Variants in PCSK5 observed in about 807,000 individuals in gnomAD.
PCSK5 encodes the protein prohormone convertase 5.
A neutral mutation model predicts 233.2 loss-of-function variants in PCSK5; 129 were observed. The ratio of observed to expected loss-of-function variants is 0.55; its 90% CI spans 0.48 to 0.64. The LOEUF (loss-of-function observed/expected upper bound fraction) is 0.64. PCSK5 is among the 30% of genes least tolerant of loss of function. The pLI is 0.00. For synonymous variants in PCSK5, 825 were observed against 879.2 expected (o/e 0.94, Z 1.09); for missense variants, 2,076 against 2,430.1 (o/e 0.85, Z 3.06).
rs190167312 is a variant in PCSK5 at position 76,034,801 on chromosome 9, A to T, written c.632+7764A>T. 3.7e-3 allele frequency among the ~76,000 whole-genome samples: 565 copies of T among 152,330 alleles called. 1 individual carries two copies. Among genetic ancestry groups the T allele is most frequent in the Non-Finnish European group, 4.6e-3 (313 of 68,032 alleles). ...AAGAACATATACTAAGTTGATTTTCAGTTTAGTTCGGGATATAAAATATCC... is the reference window on the plus strand; with the variant it reads ...AAGAACATATACTAAGTTGATTTTCTGTTTAGTTCGGGATATAAAATATCC... On this transcript the variant is annotated intron_variant, in intron 5 of 37. Coordinates refer to ENST00000674117, the MANE Select transcript of PCSK5 (RefSeq NM_001372043.1).
intron 13 of PCSK5, among the ~76,000 whole-genome samples, chr9:76,170,930 T>C (rs1268167072): frequency 2.0e-5 from 3 of 152,192 alleles, no homozygotes; most frequent in African/African-American, 7.2e-5. Context: ...TCCCTAGTTC[T>C]GTAATGAGGT....
chr9:76,075,720 T>G (rs934404912), intron 7 of PCSK5, among the ~76,000 whole-genome samples: 2 of 152,200 alleles, frequency 1.3e-5, no homozygotes, highest in African/African-American at 4.8e-5. Flanking sequence ...AATAAATGAC[T>G]GATAAAATAA....
At chr9:76,295,194 A>G (rs1828399058) in intron 25 of PCSK5, 81 bp from the exon 26 acceptor site, 1 of 1,241,222 alleles carries the variant, frequency 8.1e-7, no homozygotes, top group South Asian at 1.5e-5. Context: ...CTCTGCATAG[A>G]CATACATAAG....
At chr9:76,115,375 T>G (rs1286698926) in intron 9 of PCSK5, among the ~76,000 whole-genome samples, 1 of 152,130 alleles carries the variant, frequency 6.6e-6, no homozygotes, top group Non-Finnish European at 1.5e-5. Context: ...AAACAGAGAA[T>G]ATTATTTACA....
At chr9:76,245,368 A>G (rs1826558014) in intron 24 of PCSK5, among the ~76,000 whole-genome samples, 2 of 152,186 alleles carry the variant, frequency 1.3e-5, no homozygotes, top group Non-Finnish European at 2.9e-5. Flanking sequence ...GAGAAAGGCT[A>G]TATAAATTCA....
At chr9:76,039,575 T>C (rs142191477) in intron 5 of PCSK5, among the ~76,000 whole-genome samples, 133 of 152,340 alleles carry the variant, frequency 8.7e-4, no homozygotes, top group Middle Eastern at 3.4e-3. Context: ...AATTCTGTTA[T>C]ATGCTAAGAG....
intron 27 of PCSK5, among the ~76,000 whole-genome samples, chr9:76,297,768 G>A (rs1254245301): frequency 1.3e-5 from 2 of 152,232 alleles, no homozygotes; most frequent in Non-Finnish European, 1.5e-5. Context: ...GGCAGCCGAA[G>A]AGAGTGCTGT....
intron 3 of PCSK5, among the ~76,000 whole-genome samples, chr9:76,007,322 T>G (rs776367686): frequency 6.6e-6 from 1 of 152,214 alleles, no homozygotes; most frequent in African/African-American, 2.4e-5. Context: ...TAGTAGAATT[T>G]TAATCAACTG....
At chr9:76,225,835 G>C (rs1228441688) in intron 20 of PCSK5, among the ~76,000 whole-genome samples, 1 of 152,190 alleles carries the variant, frequency 6.6e-6, no homozygotes, top group Non-Finnish European at 1.5e-5. Context: ...TCCCTCTACA[G>C]AGGCAGGCGC....
intron 20 of PCSK5, among the ~76,000 whole-genome samples, chr9:76,218,300 G>A (rs891534342): frequency 3.9e-5 from 6 of 152,170 alleles, no homozygotes; most frequent in Non-Finnish European, 7.3e-5. Context: ...AAAAAAGAAC[G>A]TGTGTAGGTT....
intron 30 of PCSK5, among the ~76,000 whole-genome samples, chr9:76,315,940 T>TG (rs199891693): frequency 7.2e-4 from 104 of 145,398 alleles, no homozygotes; most frequent in African/African-American, 2.6e-3. Flanking sequence ...TTTTTTTTTT[T>TG]TTTTTTTTTT....
At chr9:76,327,647 G>A (rs943297386) in intron 32 of PCSK5, among the ~76,000 whole-genome samples, 11 of 152,150 alleles carry the variant, frequency 7.2e-5, no homozygotes, top group Non-Finnish European at 1.3e-4. Flanking sequence ...GACCATAACA[G>A]TAGGTGTTGT....
rs189894572 is a variant in PCSK5, at chr9:76,324,206, G to A, written c.4339+918G>A. Among the ~76,000 whole-genome samples, 6 of 151,842 alleles carry A rather than the reference G, an allele frequency of 4.0e-5. No individual in the cohort carries two copies. In the East Asian group the frequency reaches 5.8e-4, roughly 15 times the overall value. Reference sequence around the variant, plus strand: ...CTTCCAAAGTGCTGGGATAATAAGCGTGAGCCATGGCGCTCGGTCCATATT... The same window carrying A: ...CTTCCAAAGTGCTGGGATAATAAGCATGAGCCATGGCGCTCGGTCCATATT... On this transcript the variant is annotated intron_variant, in intron 32 of 37. Transcript: ENST00000674117.
intron 10 of PCSK5, among the ~76,000 whole-genome samples, chr9:76,145,758 G>C (rs1222480309): frequency 6.6e-6 from 1 of 152,124 alleles, no homozygotes; most frequent in Non-Finnish European, 1.5e-5. Context: ...AAGATGAAAG[G>C]GGGCTTATGA....
chr9:76,195,775 A>G (rs1039748476), intron 20 of PCSK5: 2 of 152,184 alleles, frequency 1.3e-5, no homozygotes, highest in Admixed American at 1.3e-4. Context: ...ACATGTGTAA[A>G]ATGTTCAGTT....
At chr9:76,032,800 T>C (rs550950856) in intron 5 of PCSK5, among the ~76,000 whole-genome samples, 1 of 152,340 alleles carries the variant, frequency 6.6e-6, no homozygotes, top group South Asian at 2.1e-4. Context: ...CTGAGTTATA[T>C]CAGCCCCTCC....
At chr9:75,909,831 T>C (rs764305099) in intron 1 of PCSK5, among the ~76,000 whole-genome samples, 2 of 152,208 alleles carry the variant, frequency 1.3e-5, no homozygotes, top group Non-Finnish European at 2.9e-5. Flanking sequence ...CCCTTGGCTG[T>C]GTTATAAGAT....
chr9:76,344,460 CA>C (rs1320615224), intron 35 of PCSK5, among the ~76,000 whole-genome samples: 7 of 152,196 alleles, frequency 4.6e-5, no homozygotes, highest in Non-Finnish European at 7.3e-5. Context: ...GCCTTCCAAA[CA>C]AACTGCATTA....
intron 5 of PCSK5, among the ~76,000 whole-genome samples, chr9:76,066,243 A>G (rs957228246): frequency 1.3e-5 from 2 of 152,186 alleles, no homozygotes; most frequent in Non-Finnish European, 2.9e-5. Context: ...TTTTAGCAAT[A>G]CTAATTCTTT....
Sources: gnomAD v4.1 joint callset for allele counts (sites outside exome capture counted in the v4.1 genomes callset) on GRCh38, gnomAD v4.1.1 for gene constraint, MANE v1.5 for transcripts, NCBI Gene and HGNC (gene_info 2026-07-23, HGNC 2026-07-21) for gene names.